The following PREP variants were observed in gnomAD, a reference collection of about 807,000 sequenced individuals.
PREP encodes the protein prolyl endopeptidase.
Under a neutral mutation model 87.6 loss-of-function variants are expected in PREP, and 29 were observed. The ratio of observed to expected loss-of-function variants is 0.33; its 90% CI spans 0.25 to 0.45. PREP has a LOEUF of 0.45. PREP is among the 20% of genes least tolerant of loss of function. The pLI, the probability that PREP is intolerant of heterozygous loss-of-function variation, is 1.00. For missense variants in PREP, 695 were observed against 886.5 expected, an observed-to-expected ratio of 0.78 and a Z score of 2.74; for synonymous variants, 337 against 328.6, an observed-to-expected ratio of 1.03 and a Z score of -0.28.
intron 3 of PREP, 56 bp downstream of exon 3, chr6:105,377,330 T>C: frequency 2.0e-6 from 3 of 1,527,928 alleles, no homozygotes; most frequent in Non-Finnish European, 2.7e-6. Flanking sequence ...TATTTTACAA[T>C]TTAAGAAAGC....
chr6:105,371,567 T>C (rs1772549203), intron 5 of PREP, among the ~76,000 whole-genome samples: 1 of 143,906 alleles, frequency 6.9e-6, no homozygotes, highest in Non-Finnish European at 1.5e-5. Context: ...AGTAATTAAC[T>C]CATATTTGCT....
intron 7 of PREP, among the ~76,000 whole-genome samples, chr6:105,348,027 A>G (rs1030819817): frequency 5.9e-5 from 9 of 152,198 alleles, no homozygotes; most frequent in Non-Finnish European, 1.2e-4. Flanking sequence ...ATCTGTGGGC[A>G]TGAACCACAT....
intron 10 of PREP, among the ~76,000 whole-genome samples, chr6:105,305,320 G>C (rs1210096536): frequency 6.6e-6 from 1 of 152,134 alleles, no homozygotes; most frequent in Admixed American, 6.5e-5. Flanking sequence ...GTGCAACCAA[G>C]CAGTTCATGG....
intron 2 of PREP, among the ~76,000 whole-genome samples, chr6:105,388,038 G>A (rs533654628): frequency 6.6e-6 from 1 of 152,168 alleles, no homozygotes; most frequent in Non-Finnish European, 1.5e-5. Context: ...AAAAGAGAGA[G>A]AATGAAACCT....
At chr6:105,279,926 T>TTAGA (rs2114609010) in intron 14 of PREP, among the ~76,000 whole-genome samples, 1 of 152,338 alleles carries the variant, frequency 6.6e-6, no homozygotes, top group South Asian at 2.1e-4. Flanking sequence ...TTTCTCTAAG[T>TTAGA]TAGATATTCC....
At chr6:105,314,589 G>T (rs1770823076) in intron 10 of PREP, among the ~76,000 whole-genome samples, 1 of 152,068 alleles carries the variant, frequency 6.6e-6, no homozygotes, top group South Asian at 2.1e-4. Context: ...ATTCAAATTT[G>T]GTCATTAGAT....
At chr6:105,326,341 CCA>C in intron 9 of PREP, among the ~76,000 whole-genome samples, 2 of 152,270 alleles carry the variant, frequency 1.3e-5, no homozygotes, top group South Asian at 4.1e-4. Context: ...GTGGTTTGAA[CCA>C]CAGAGAATAA....
At chr6:105,373,315 T>C (rs1772605216) in intron 5 of PREP, 54 bp downstream of exon 5, 2 of 1,556,412 alleles carry the variant, frequency 1.3e-6, no homozygotes, top group Admixed American at 1.7e-5. Flanking sequence ...TTCAGTCACT[T>C]GAAGTCACAC....
At chr6:105,377,611 T>G in intron 2 of PREP, 92 bp from the exon 3 acceptor site, 1 of 1,390,434 alleles carries the variant, frequency 7.2e-7, no homozygotes, top group Non-Finnish European at 1.0e-6. Context: ...AAAGCACACT[T>G]TGTCTCTTAG....
chr6:105,370,064 C>T (rs967987248), intron 5 of PREP, among the ~76,000 whole-genome samples: 1 of 151,882 alleles, frequency 6.6e-6, no homozygotes, highest in Admixed American at 6.6e-5. Context: ...CCAGCCTGAC[C>T]AACATGGTGA....
At chr6:105,343,215 T>A (rs1293861690) in intron 7 of PREP, among the ~76,000 whole-genome samples, 1 of 152,126 alleles carries the variant, frequency 6.6e-6, no homozygotes, top group Non-Finnish European at 1.5e-5. Context: ...CCCTCAGACA[T>A]AATACCACAC....
chr6:105,383,967 A>G (rs993301979), intron 2 of PREP, among the ~76,000 whole-genome samples: 3 of 152,226 alleles, frequency 2.0e-5, no homozygotes, highest in African/African-American at 4.8e-5. Context: ...TTCTGTATCA[A>G]TGAGGAAATC....
chr6:105,338,585 G>A (rs1490860387), intron 7 of PREP, among the ~76,000 whole-genome samples: 6 of 152,180 alleles, frequency 3.9e-5, no homozygotes, highest in Non-Finnish European at 5.9e-5. Context: ...GAAGCAGGGC[G>A]GGGCATCACC....
At chr6:105,385,103 C>G (rs1156361346) in intron 2 of PREP, among the ~76,000 whole-genome samples, 4 of 152,008 alleles carry the variant, frequency 2.6e-5, no homozygotes, top group Admixed American at 2.6e-4. Context: ...GAGAGCTGAC[C>G]AGAAGCTTGC....
At chr6:105,354,660 G>C (rs1562213069) in intron 6 of PREP, among the ~76,000 whole-genome samples, 1 of 152,062 alleles carries the variant, frequency 6.6e-6, no homozygotes, top group Non-Finnish European at 1.5e-5. Context: ...GAACAGGAGG[G>C]ATTCAGCCAG....
chr6:105,280,610 T>C (rs1317161692), intron 14 of PREP: 1 of 152,156 alleles, frequency 6.6e-6, no homozygotes, highest in East Asian at 1.9e-4. Context: ...TCCTTTTTTT[T>C]TTTGAGACAG....
At position 105,288,690 on chromosome 6, in the gene PREP, C is replaced by A. The variant is rs144827162; in HGVS notation, c.1454+68G>T. 3.8e-6 allele frequency: 6 copies of A among 1,571,120 alleles called. No homozygotes were observed. The East Asian group carries it at 1.3e-4, about 35-fold the overall frequency. On this transcript the variant is annotated intron_variant, in intron 11 of 14. Coordinates refer to ENST00000652536, the MANE Select transcript of PREP (RefSeq NM_002726.5). Reference sequence around the variant, plus strand: ...ATTTTAGAAAGTTGATTTAGTAGAGCACTCTGGTTTGTTTCCACTATATGG... The same window carrying A: ...ATTTTAGAAAGTTGATTTAGTAGAGAACTCTGGTTTGTTTCCACTATATGG...
chr6:105,303,493 GCCTTT>G (rs1661607782), intron 10 of PREP, among the ~76,000 whole-genome samples: 1 of 151,700 alleles, frequency 6.6e-6, no homozygotes, highest in African/African-American at 2.4e-5. Context: ...AATGTCACAT[GCCTTT>G]CTAAACCAAA....
intron 10 of PREP, among the ~76,000 whole-genome samples, chr6:105,290,898 CCTTACA>C (rs1314307428): frequency 6.6e-6 from 1 of 152,184 alleles, no homozygotes; most frequent in East Asian, 1.9e-4. Flanking sequence ...CAAGAAAACT[CCTTACA>C]AGAAGTTTCT....
Sources: gnomAD v4.1 joint callset for allele counts (sites outside exome capture counted in the v4.1 genomes callset) on GRCh38, gnomAD v4.1.1 for gene constraint, MANE v1.5 for transcripts, NCBI Gene and HGNC (gene_info 2026-07-23, HGNC 2026-07-21) for gene names.